The following PSD variants were observed in gnomAD, a reference collection of about 807,000 sequenced individuals.
PSD encodes PH and SEC7 domain-containing protein 1.
Under a neutral mutation model 91.6 loss-of-function variants are expected in PSD, and 32 were observed. That is an observed-to-expected ratio of 0.35 (90% CI 0.26 to 0.47). The LOEUF is 0.47. PSD is among the 20% of genes least tolerant of loss of function. The pLI is 1.00. For synonymous variants in PSD, 532 were observed against 569.3 expected, an observed-to-expected ratio of 0.93 and a Z score of 0.93; for missense variants, 1,099 against 1,373.9, an observed-to-expected ratio of 0.80 and a Z score of 3.16.
At chr10:102,406,824 G>A (rs2061368054) in intron 11 of PSD, among the ~76,000 whole-genome samples, 1 of 152,134 alleles carries the variant, frequency 6.6e-6, no homozygotes, top group African/African-American at 2.4e-5. Context: ...TGTTTCTATT[G>A]GAGCCTTCCA....
chr10:102,413,124 C>T (rs1341937551), intron 5 of PSD, among the ~76,000 whole-genome samples: 1 of 152,152 alleles, frequency 6.6e-6, no homozygotes. Context: ...TGCATACCCT[C>T]ATTCCCTTTC....
Position 102,405,708 on chromosome 10 carries a change from G to A in PSD, c.2136-172C>T, listed in dbSNP as rs373785270. On this transcript the variant is annotated intron_variant, in intron 11 of 16. Transcript: ENST00000020673. This position sits in a 1 kb window ranked among gnomAD's most constrained non-coding sequence, Gnocchi z 5.4. Reference sequence around the variant, plus strand: ...GATCAGGCCTCCACAATGTGTAGCTGTGCCTCCTCAGAGCAGGGCACCTCC... The same window carrying A: ...GATCAGGCCTCCACAATGTGTAGCTATGCCTCCTCAGAGCAGGGCACCTCC... 1.3e-5 allele frequency: 8 copies of A among 638,962 alleles called. No homozygotes were observed. The highest frequency in any genetic ancestry group is 2.8e-5 in the East Asian group (1 of 36,334). 39.6% of individuals were successfully genotyped at this position (638,962 alleles called of 1,614,324 possible). A position where few individuals can be genotyped will look rare whatever the true frequency, so the allele number is the denominator to read the frequency against.
chr10:102,416,608 C>A lies in PSD; in HGVS notation c.431G>T (p.Gly144Val). The A allele has an allele frequency of 6.3e-7, 1 of 1,596,452 alleles. No individual in the cohort carries two copies. The highest frequency in any genetic ancestry group is 1.1e-5 in the South Asian group (1 of 88,950). ...PPRPTPALGP[G>V]SNRKLRLEAS... ...TTCCAGCCGTAACTTCCGGTTGGAG[C>A]CAGGCCCAAGGGCTGGGGTGGGCCT... The change falls in exon 2 of 17, where the codon GGC (glycine) becomes GTC (valine). Residue 144 changes from glycine to valine, a missense_variant. This residue lies in a region of PSD where 631 missense variants were observed against 728.8 expected (regional missense o/e 0.87). Transcript: ENST00000020673. The surrounding 1 kb of genome is among the most constrained non-coding windows in gnomAD (Gnocchi z 6.0).
At chr10:102,418,810 T>TTCCCCCCC, upstream of PSD, 1 of 434,372 alleles carries the variant, frequency 2.3e-6, no homozygotes, top group Non-Finnish European at 4.6e-6. Flanking sequence ...CGCCTCTCAG[T>TTCCCCCCC]CCCTCCCCCT....
Position 102,414,236 on chromosome 10 carries a change from T to A in PSD, c.1125-39A>T. The A allele has an allele frequency of 6.5e-7, 1 of 1,533,644 alleles. No individual in the cohort carries two copies. Among genetic ancestry groups the A allele is most frequent in the Non-Finnish European group, 8.9e-7 (1 of 1,128,058 alleles). On this transcript the variant is annotated intron_variant, in intron 4 of 16. Coordinates refer to ENST00000020673, the MANE Select transcript of PSD (RefSeq NM_002779.5). The surrounding 1 kb of genome is among the most constrained non-coding windows in gnomAD (Gnocchi z 5.6). ...GAGAATCTCTGATTAGGGGCCCAGA[T>A]CACAGGGCTGGGGCAGGATTTCACT... is the stretch of plus-strand genomic sequence containing the variant.
Position 102,414,751 on chromosome 10 carries a change from G to A in PSD, c.1124+112C>T, listed in dbSNP as rs1589892223. 5.1e-6 allele frequency: 7 copies of A among 1,380,430 alleles called. No individual in the cohort carries two copies. The East Asian group carries it at 1.7e-4, about 33-fold the overall frequency. 85.5% of individuals were successfully genotyped at this position (1,380,430 alleles called of 1,614,324 possible). ...TCCTGCTATACACACTGCCCCGCCA[G>A]CCCCACACCCATCTCTATCCCAGGC... On this transcript the variant is annotated intron_variant, in intron 4 of 16. Transcript: ENST00000020673. The surrounding 1 kb of genome is among the most constrained non-coding windows in gnomAD (Gnocchi z 5.6).
intron 10 of PSD, 121 bp from the exon 11 acceptor site, chr10:102,407,387 A>G: frequency 1.7e-6 from 1 of 585,442 alleles, no homozygotes; most frequent in South Asian, 4.2e-5. Context: ...AGCAAGATAT[A>G]ATGACCAAAA....
At position 102,405,128 on chromosome 10, in the gene PSD, C is replaced by G; in HGVS notation, c.2397+55G>C. ...GCCCCTCCTATTCCCACCCATCACC[C>G]CACACCCACCAGCCAACTCAGTCCC... is the stretch of plus-strand genomic sequence containing the variant. On this transcript the variant is annotated intron_variant, in intron 13 of 16. Coordinates refer to ENST00000020673, the MANE Select transcript of PSD (RefSeq NM_002779.5). This position sits in a 1 kb window ranked among gnomAD's most constrained non-coding sequence, Gnocchi z 5.4. 1 of 1,610,514 alleles carries G rather than the reference C, an allele frequency of 6.2e-7. No individual in the cohort carries two copies. Among genetic ancestry groups the G allele is most frequent in the Non-Finnish European group, 8.5e-7 (1 of 1,179,054 alleles).
Position 102,414,022 on chromosome 10 carries a change from G to C in PSD, c.1300C>G (p.Pro434Ala), listed in dbSNP as rs922122464. ...AAGGTGAAGAAGGGGCTCTGGGTTG[G>C]GCCAGGTGAGGCCAAGGCCTCCAGC... The part of the protein sequence containing the change: ...ASLEALASPG[P>A]TQSPFFTFEL... The change falls in exon 5 of 17, where the codon CCA becomes GCA. Residue 434 changes from proline to alanine, a missense_variant. Physicochemically the swap from Pro to Ala is conservative, Grantham distance 27. Coordinates refer to ENST00000020673, the MANE Select transcript of PSD (RefSeq NM_002779.5). This position sits in a 1 kb window ranked among gnomAD's most constrained non-coding sequence, Gnocchi z 5.6. 1 of 1,613,908 alleles carries C rather than the reference G, an allele frequency of 6.2e-7. No individual in the cohort carries two copies. The highest frequency in any genetic ancestry group is 1.3e-5 in the African/African-American group (1 of 74,928).
At position 102,404,152 on chromosome 10, in the gene PSD, T is replaced by G. The variant is rs1046094299; in HGVS notation, c.2701-167A>C. ...TCACGAGGTCAGGAGATCGAGACCA[T>G]CCTGGCTAACACGGTGAAACCCCGT... On this transcript the variant is annotated intron_variant, in intron 15 of 16. Coordinates refer to ENST00000020673, the MANE Select transcript of PSD (RefSeq NM_002779.5). This position sits in a 1 kb window ranked among gnomAD's most constrained non-coding sequence, Gnocchi z 5.7. Among the ~76,000 whole-genome samples the G allele has an allele frequency of 3.3e-5, 5 of 152,094 alleles. No homozygotes were observed. Among genetic ancestry groups the G allele is most frequent in the Non-Finnish European group, 7.4e-5 (5 of 67,998 alleles).
rs150603372 is a variant in PSD at position 102,414,981 on chromosome 10, C to T, written c.1006G>A (p.Gly336Ser). ...GTAYPPAPRPGPLPGPHPSLG... is the reference protein window; with the variant it reads ...GTAYPPAPRPSPLPGPHPSLG... ...CTGGGATGAGGGCCAGGGAGTGGGC[C>T]GGGCCGTGGGGCAGGTGGGTAGGCA... The change falls in exon 4 of 17, where the codon GGC (glycine) becomes AGC (serine). Residue 336 changes from glycine (G) to serine (S), a missense_variant. By Grantham distance (56) the Gly-to-Ser change is moderately conservative. Coordinates refer to ENST00000020673, the MANE Select transcript of PSD (RefSeq NM_002779.5). This position sits in a 1 kb window ranked among gnomAD's most constrained non-coding sequence, Gnocchi z 5.6. The T allele has an allele frequency of 2.0e-3, 3,143 of 1,596,224 alleles. 52 individuals carry two copies. In the African/African-American group the frequency reaches 0.037, roughly 19 times the overall value.
Position 102,403,213 on chromosome 10 carries a change from C to A in PSD, c.3062G>T (p.Arg1021Leu). ...SEPRPGAGSG[R>L]RKP ...CTAAACCTCATCTCAGGGCTTCCGC[C>A]GCCCACTGCCTGCCCCTGGCCGAGG... Residue 1021 changes from arginine to leucine, a missense_variant, in exon 17 of 17, where the codon CGG (arginine) becomes CTG (leucine). Around this residue, in one of 3 missense-constraint regions of PSD, gnomAD observed 358 missense variants for 426.5 expected, o/e 0.84. Transcript: ENST00000020673. This position sits in a 1 kb window ranked among gnomAD's most constrained non-coding sequence, Gnocchi z 6.7. The A allele has an allele frequency of 6.4e-7, 1 of 1,568,872 alleles. No homozygotes were observed. The highest frequency in any genetic ancestry group is 8.7e-7 in the Non-Finnish European group (1 of 1,153,900).
At position 102,402,817 on chromosome 10, in the gene PSD, C is replaced by A. The variant is rs1347469518; in HGVS notation, c.*383G>T. Reference sequence around the variant, plus strand: ...AACCAGCTCAGCCCCAAATCCTGGTCTCTGTCCAAGCCAGGCCCCAGGACA... The same window carrying A: ...AACCAGCTCAGCCCCAAATCCTGGTATCTGTCCAAGCCAGGCCCCAGGACA... On this transcript the variant is annotated 3_prime_UTR_variant, in exon 17 of 17. Coordinates refer to ENST00000020673, the MANE Select transcript of PSD (RefSeq NM_002779.5). 2.0e-5 allele frequency: 5 copies of A among 248,294 alleles called. No homozygotes were observed. Among genetic ancestry groups the A allele is most frequent in the Non-Finnish European group, 3.9e-5 (5 of 129,610 alleles). 15.4% of individuals were successfully genotyped at this position (248,294 alleles called of 1,614,324 possible). A position where few individuals can be genotyped will look rare whatever the true frequency, so the allele number is the denominator to read the frequency against.
chr10:102,413,960 G>T lies in PSD; in HGVS notation c.1362C>A (p.Asp454Glu). The T allele has an allele frequency of 6.2e-7, 1 of 1,613,842 alleles. No homozygotes were observed. Among genetic ancestry groups the T allele is most frequent in the Non-Finnish European group, 8.5e-7 (1 of 1,179,822 alleles). ...GGGCAAGTGGGGCGGGAGCTGGTGG[G>T]TCGGGCCGGGGTGCAGGGGGTTGGG... is the stretch of plus-strand genomic sequence containing the variant. ...LPPQPPAPRP[D>E]PPAPAPLAPL... is the part of the protein sequence containing the mutation. The change falls in exon 5 of 17, where the codon GAC becomes GAA. Residue 454 changes from aspartate to glutamate, a missense_variant. Coordinates refer to ENST00000020673, the MANE Select transcript of PSD (RefSeq NM_002779.5).
rs1241656002 is a variant in PSD at position 102,404,475 on chromosome 10, C to G, written c.2700+108G>C. On this transcript the variant is annotated intron_variant, in intron 15 of 16. Coordinates refer to ENST00000020673, the MANE Select transcript of PSD (RefSeq NM_002779.5). The surrounding 1 kb of genome is among the most constrained non-coding windows in gnomAD (Gnocchi z 5.7). ...CCTGCTCACCCCTGTGGCCAGCATC[C>G]TGGTGCAGGGGACATCTCCACGATC... 3 of 1,393,532 alleles carry G rather than the reference C, an allele frequency of 2.2e-6. No homozygotes were observed. Among genetic ancestry groups the G allele is most frequent in the Non-Finnish European group, 2.9e-6 (3 of 1,036,112 alleles). The allele number at this position is 1,393,532 out of a possible 1,614,324, so 86.3% of individuals were successfully genotyped here. A position where few individuals can be genotyped will look rare whatever the true frequency, so the allele number is the denominator to read the frequency against.
At chr10:102,415,569 C>T (rs2061469647) in intron 3 of PSD, among the ~76,000 whole-genome samples, 1 of 152,142 alleles carries the variant, frequency 6.6e-6, no homozygotes, top group South Asian at 2.1e-4. Context: ...ACTGCCTGGA[C>T]TCAAGGGATC....
chr10:102,407,976 A>C (rs992660533), intron 10 of PSD, among the ~76,000 whole-genome samples: 2 of 152,180 alleles, frequency 1.3e-5, no homozygotes, highest in African/African-American at 2.4e-5. Context: ...TGCGATGTGA[A>C]CCAGCCACTT....
In PSD at chr10:102,404,474, C is replaced by T. The variant is rs2061336694; in HGVS notation, c.2700+109G>A. 7.2e-7 allele frequency: 1 copy of T among 1,395,974 alleles called. No individual in the cohort carries two copies. Among genetic ancestry groups the T allele is most frequent in the Admixed American group, 2.3e-5 (1 of 43,250 alleles). The allele number at this position is 1,395,974 out of a possible 1,614,324, so 86.5% of individuals were successfully genotyped here. A position where few individuals can be genotyped will look rare whatever the true frequency, so the allele number is the denominator to read the frequency against. On this transcript the variant is annotated intron_variant, in intron 15 of 16. Coordinates refer to ENST00000020673, the MANE Select transcript of PSD (RefSeq NM_002779.5). The surrounding 1 kb of genome is among the most constrained non-coding windows in gnomAD (Gnocchi z 5.7). ...CCCTGCTCACCCCTGTGGCCAGCAT[C>T]CTGGTGCAGGGGACATCTCCACGAT...
intron 1 of PSD, among the ~76,000 whole-genome samples, chr10:102,417,704 C>A (rs1589896452): frequency 8.3e-6 from 1 of 119,980 alleles, no homozygotes; most frequent in South Asian, 3.0e-4. Context: ...AAGGGACATT[C>A]TTCTTTTTTT....
Sources: allele counts gnomAD v4.1 joint callset (sites outside exome capture counted in the v4.1 genomes callset), GRCh38; gene constraint gnomAD v4.1.1; regional missense constraint gnomAD v4.1.1; non-coding constraint Gnocchi (gnomAD v3.1); transcripts MANE v1.5; gene names NCBI Gene and HGNC (gene_info 2026-07-23, HGNC 2026-07-21).